The following PDE1A variants were observed in gnomAD, a reference collection of about 807,000 sequenced individuals.
PDE1A encodes phosphodiesterase 1A, also known as dual specificity calcium/calmodulin-dependent 3',5'-cyclic nucleotide phosphodiesterase 1A.
Under a neutral mutation model 61.7 loss-of-function variants are expected in PDE1A, and 35 were observed. The ratio of observed to expected loss-of-function variants is 0.57; its 90% CI spans 0.43 to 0.75. The LOEUF is 0.75. Ranked by LOEUF, PDE1A falls within the 30% of genes least tolerant of loss-of-function variation. The pLI is 0.00. For synonymous variants in PDE1A, 232 were observed against 213.2 expected (o/e 1.09, Z -0.77); for missense variants, 597 against 630.6 (o/e 0.95, Z 0.57).
chr2:182,623,008 TCAA>T, the PDE1A span, among the ~76,000 whole-genome samples: 2 of 152,140 alleles, frequency 1.3e-5, no homozygotes, highest in South Asian at 4.1e-4. Flanking sequence ...TAAATGGCAC[TCAA>T]CAACATTATT....
At chr2:182,417,052 C>T (rs1159379068) in intron 1 of PDE1A, among the ~76,000 whole-genome samples, 2 of 152,200 alleles carry the variant, frequency 1.3e-5, no homozygotes, top group Non-Finnish European at 2.9e-5. Flanking sequence ...AATAGACACA[C>T]ACTGTATGGC....
chr2:182,499,740 T>C (rs940031956), intron 2 of PDE1A, among the ~76,000 whole-genome samples: 9 of 152,228 alleles, frequency 5.9e-5, no homozygotes, highest in Non-Finnish European at 1.2e-4. Context: ...TCAAAATAAA[T>C]ATATCTTCAC....
At chr2:182,693,148 A>T in the PDE1A span, among the ~76,000 whole-genome samples, 1 of 152,174 alleles carries the variant, frequency 6.6e-6, no homozygotes, top group Non-Finnish European at 1.5e-5. Context: ...ATTCCCTAGA[A>T]TCCTATGAAT....
chr2:182,302,441 GCAA>G (rs553864758), intron 1 of PDE1A, among the ~76,000 whole-genome samples: 132 of 152,288 alleles, frequency 8.7e-4, no homozygotes, highest in Admixed American at 2.7e-3. Flanking sequence ...TCTTAAGTGT[GCAA>G]CAACATTATG....
chr2:182,658,598 G>A, the PDE1A span, among the ~76,000 whole-genome samples: 29 of 152,340 alleles, frequency 1.9e-4, no homozygotes, highest in African/African-American at 6.5e-4. Flanking sequence ...GGATTCCACA[G>A]TGTAACTGAG....
intron 2 of PDE1A, among the ~76,000 whole-genome samples, chr2:182,510,492 T>C (rs144275473): frequency 2.1e-4 from 32 of 152,338 alleles, no homozygotes; most frequent in African/African-American, 6.5e-4. Context: ...AATTGAAATA[T>C]GTTAAATGAC....
intron 2 of PDE1A, among the ~76,000 whole-genome samples, chr2:182,502,549 C>CT (rs1307801364): frequency 5.3e-5 from 8 of 152,176 alleles, no homozygotes; most frequent in Non-Finnish European, 1.0e-4. Flanking sequence ...CCCTGACCCC[C>CT]TATCTGTCCA....
At chr2:182,534,198 T>C in the PDE1A span, among the ~76,000 whole-genome samples, 2 of 152,198 alleles carry the variant, frequency 1.3e-5, no homozygotes, top group Non-Finnish European at 2.9e-5. Flanking sequence ...CTCTTCAAAA[T>C]TGTACATCTA....
At position 182,457,943 on chromosome 2, in the gene PDE1A, T is replaced by C. The variant is rs747660953; in HGVS notation, c.101+64333A>G. Among the ~76,000 whole-genome samples, 93 of 152,178 alleles carry C rather than the reference T, an allele frequency of 6.1e-4. 3 individuals are homozygous for C. In the Middle Eastern group the frequency reaches 0.014, roughly 22 times the overall value. ...GATGTAGCTTTATTTATGACTTGTG[T>C]TGGGCAAAGTAAAATTTATGCTTAG... On this transcript the variant is annotated intron_variant, in intron 2 of 14. Transcript: ENST00000410103.
the PDE1A span, among the ~76,000 whole-genome samples, chr2:182,647,061 G>A: frequency 6.6e-6 from 1 of 152,208 alleles, no homozygotes; most frequent in African/African-American, 2.4e-5. Flanking sequence ...TTTGTTGGGA[G>A]TTTGTTTCTT....
At chr2:182,321,844 G>T (rs777884811) in intron 1 of PDE1A, among the ~76,000 whole-genome samples, 1 of 151,996 alleles carries the variant, frequency 6.6e-6, no homozygotes, top group East Asian at 1.9e-4. Flanking sequence ...AAGCTTCCAC[G>T]TAAGATTTTT....
rs1688847112 is a variant in PDE1A, at chr2:182,222,925, T to C, written c.776+939A>G. The stretch of plus-strand genomic sequence containing the variant: ...CCTAGACCAAATCCTGCTTCTCAGA[T>C]ACTGACTTCTGTGCCTAACTAAAAA... On this transcript the variant is annotated intron_variant, in intron 7 of 13. Transcript: ENST00000351439. 3.3e-5 allele frequency among the ~76,000 whole-genome samples: 5 copies of C among 152,000 alleles called. No homozygotes were observed. In the South Asian group the frequency reaches 1.0e-3, roughly 31 times the overall value.
chr2:182,629,409 C>T, the PDE1A span, among the ~76,000 whole-genome samples: 92 of 152,228 alleles, frequency 6.0e-4, no homozygotes, highest in Non-Finnish European at 1.2e-3. Context: ...ACATTACTAC[C>T]ACCACCACCA....
chr2:182,494,961 A>G (rs972749270), intron 2 of PDE1A, among the ~76,000 whole-genome samples: 1 of 151,976 alleles, frequency 6.6e-6, no homozygotes, highest in African/African-American at 2.4e-5. Flanking sequence ...TTCTCACTGC[A>G]GTTTCTAAGG....
intron 1 of PDE1A, among the ~76,000 whole-genome samples, chr2:182,332,603 C>T (rs1697492453): frequency 1.3e-5 from 2 of 152,044 alleles, no homozygotes. Context: ...GTTCATTTTC[C>T]CGCTGCAGGT....
At chr2:182,194,690 A>C (rs1277535987) in intron 10 of PDE1A, among the ~76,000 whole-genome samples, 1 of 152,128 alleles carries the variant, frequency 6.6e-6, no homozygotes, top group Non-Finnish European at 1.5e-5. Flanking sequence ...GTAGCACTAA[A>C]GAATGGGATA....
intron 2 of PDE1A, among the ~76,000 whole-genome samples, chr2:182,457,315 T>C (rs149573708): frequency 9.5e-4 from 144 of 152,104 alleles, no homozygotes; most frequent in African/African-American, 3.3e-3. Context: ...CTGCATATGA[T>C]ATAGTAGGCC....
chr2:182,466,135 G>A (rs1006874098), intron 2 of PDE1A, among the ~76,000 whole-genome samples: 7 of 151,588 alleles, frequency 4.6e-5, no homozygotes, highest in African/African-American at 9.7e-5. Flanking sequence ...AAATGCATAC[G>A]TTTCTCTTTG....
intron 1 of PDE1A, among the ~76,000 whole-genome samples, chr2:182,355,643 C>T (rs1288859943): frequency 1.3e-5 from 2 of 151,898 alleles, no homozygotes; most frequent in Admixed American, 1.3e-4. Flanking sequence ...AAAATTATTG[C>T]TATTGAATTC....
Sources: allele counts gnomAD v4.1 joint callset (sites outside exome capture counted in the v4.1 genomes callset), GRCh38; gene constraint gnomAD v4.1.1; transcripts MANE v1.5; gene names NCBI Gene and HGNC (gene_info 2026-07-23, HGNC 2026-07-21).